The following HRH1 variants were observed in gnomAD, a reference collection of about 807,000 sequenced individuals.
The protein encoded by HRH1 is histamine H1 receptor.
A neutral mutation model predicts 10.3 loss-of-function variants in HRH1; 6 were observed. The observed-to-expected ratio is 0.58, with a 90% CI of 0.32 to 1.15. The LOEUF is 1.15. Ranked by LOEUF, HRH1 falls within the 50% of genes most tolerant of loss-of-function variation. The probability of loss-of-function intolerance (pLI) is 0.05; values close to 1 mark genes in which losing one functional copy is unlikely to be tolerated. For synonymous variants in HRH1, 242 were observed against 236.7 expected (o/e 1.02, Z -0.21); for missense variants, 514 against 615.3 (o/e 0.84, Z 1.74).
chr3:11,163,589 T>C (rs1316688363), intron 1 of HRH1, among the ~76,000 whole-genome samples: 2 of 152,114 alleles, frequency 1.3e-5, no homozygotes, highest in African/African-American at 2.4e-5. Context: ...ATGATAATAG[T>C]CCTCTCCCCT....
chr3:11,137,264 A>G (rs1936200257), exon 1 of HRH1: 1 of 152,218 alleles, frequency 6.6e-6, no homozygotes, highest in Non-Finnish European at 1.5e-5. Flanking sequence ...GTAGCCGTAG[A>G]GAAGTTGTCC....
At chr3:11,229,528 T>C (rs1938986585) in intron 1 of HRH1, among the ~76,000 whole-genome samples, 1 of 152,226 alleles carries the variant, frequency 6.6e-6, no homozygotes, top group Non-Finnish European at 1.5e-5. Flanking sequence ...GTACCATTAA[T>C]TAAAATTGAC....
chr3:11,231,024 A>C (rs73121605), intron 1 of HRH1, among the ~76,000 whole-genome samples: 8,101 of 152,062 alleles, frequency 0.053, 747 homozygotes, highest in African/African-American at 0.18. Context: ...CCATCCCTAA[A>C]CCCGGCAACC....
chr3:11,151,405 C>T (rs551852082), upstream of HRH1, among the ~76,000 whole-genome samples: 5 of 152,308 alleles, frequency 3.3e-5, no homozygotes, highest in Admixed American at 1.3e-4. Context: ...ACTTCCTAAA[C>T]GTTTTCATTC....
intron 1 of HRH1, among the ~76,000 whole-genome samples, chr3:11,167,733 T>C (rs1937073117): frequency 6.6e-6 from 1 of 152,390 alleles, no homozygotes; most frequent in Admixed American, 6.5e-5. Context: ...TGCTGTAGGC[T>C]GCCCTGTAAA....
chr3:11,145,477 A>G (rs1192475902), intron 1 of HRH1, among the ~76,000 whole-genome samples: 1 of 152,014 alleles, frequency 6.6e-6, no homozygotes, highest in African/African-American at 2.4e-5. Flanking sequence ...AGTGTGTCTA[A>G]TGCCTTTTCC....
Position 11,166,493 on chromosome 3 carries a change from G to T in HRH1, c.-36+11939G>T, listed in dbSNP as rs188231627. 4.4e-4 allele frequency among the ~76,000 whole-genome samples: 67 copies of T among 152,338 alleles called. 2 individuals are homozygous for T. The highest frequency in any genetic ancestry group is 4.4e-3 in the Admixed American group (67 of 15,304). On this transcript the variant is annotated intron_variant, in intron 1 of 1. Transcript: ENST00000431010. ...TTCCTGCCCTGGTGAGGCCTACATT[G>T]TACTTTCCGGCTTCTCCAGGCCCGT...
chr3:11,255,155 G>A (rs1368677911), intron 1 of HRH1, among the ~76,000 whole-genome samples: 1 of 152,170 alleles, frequency 6.6e-6, no homozygotes, highest in Non-Finnish European at 1.5e-5. Flanking sequence ...CCTTTTTGAA[G>A]AGGAATTTAT....
intron 1 of HRH1, among the ~76,000 whole-genome samples, chr3:11,242,246 C>G (rs1340053121): frequency 9.2e-5 from 14 of 152,006 alleles, no homozygotes. Flanking sequence ...CTTTGGGAGG[C>G]CAAGGCAGGC....
chr3:11,246,961 G>A (rs562754255), intron 1 of HRH1, among the ~76,000 whole-genome samples: 1 of 152,248 alleles, frequency 6.6e-6, no homozygotes, highest in Non-Finnish European at 1.5e-5. Flanking sequence ...TGAGGTGGGA[G>A]GATTGCTTGA....
intron 1 of HRH1, among the ~76,000 whole-genome samples, chr3:11,213,165 T>A (rs2125035526): frequency 6.6e-6 from 1 of 152,358 alleles, no homozygotes; most frequent in East Asian, 1.9e-4. Context: ...ATATGTTTCT[T>A]CCGCTAGAAT....
At chr3:11,183,658 T>A (rs1937398589) in intron 1 of HRH1, among the ~76,000 whole-genome samples, 1 of 152,026 alleles carries the variant, frequency 6.6e-6, no homozygotes, top group Non-Finnish European at 1.5e-5. Context: ...GAAGACCTTC[T>A]TTCCTTGATT....
intron 1 of HRH1, among the ~76,000 whole-genome samples, chr3:11,162,198 A>T (rs909210691): frequency 1.3e-5 from 2 of 152,090 alleles, no homozygotes; most frequent in Non-Finnish European, 2.9e-5. Flanking sequence ...TACCTATTTC[A>T]TCTCTCAGAT....
chr3:11,258,087 T>G (rs1487199315), intron 1 of HRH1, among the ~76,000 whole-genome samples: 4 of 152,116 alleles, frequency 2.6e-5, no homozygotes, highest in Non-Finnish European at 5.9e-5. Flanking sequence ...TCCAATAACA[T>G]AATCCCCTTC....
intron 1 of HRH1, among the ~76,000 whole-genome samples, chr3:11,138,419 C>G (rs1006090194): frequency 3.3e-5 from 5 of 152,126 alleles, no homozygotes; most frequent in African/African-American, 1.2e-4. Flanking sequence ...CAAAGATATA[C>G]AGATGGCCAG....
intron 1 of HRH1, among the ~76,000 whole-genome samples, chr3:11,193,384 G>A (rs1455460096): frequency 6.6e-6 from 1 of 152,242 alleles, no homozygotes; most frequent in Admixed American, 6.5e-5. Context: ...TCTTTTTAAG[G>A]TGGGTGTCTC....
intron 1 of HRH1, among the ~76,000 whole-genome samples, chr3:11,214,359 G>A (rs755374601): frequency 6.6e-6 from 1 of 152,156 alleles, no homozygotes; most frequent in Non-Finnish European, 1.5e-5. Context: ...CCTGAAGAGA[G>A]GCAGAAGTTA....
intron 1 of HRH1, among the ~76,000 whole-genome samples, chr3:11,197,124 CAA>C (rs11330219): frequency 1.3e-4 from 14 of 105,984 alleles, no homozygotes; most frequent in Admixed American, 3.1e-4. Context: ...GACTCCATCT[CAA>C]AAAAAAAAAA....
intron 1 of HRH1, among the ~76,000 whole-genome samples, chr3:11,155,177 T>G (rs1467262365): frequency 2.6e-5 from 4 of 152,038 alleles, no homozygotes; most frequent in South Asian, 2.1e-4. Context: ...GTGGGAACTG[T>G]CCGGACCACC....
Sources: gnomAD v4.1 joint callset for allele counts (sites outside exome capture counted in the v4.1 genomes callset) on GRCh38, gnomAD v4.1.1 for gene constraint, MANE v1.5 for transcripts, NCBI Gene and HGNC (gene_info 2026-07-23, HGNC 2026-07-21) for gene names.